The following AKR1A1 variants were observed in gnomAD, a reference collection of about 807,000 sequenced individuals.
AKR1A1 encodes the protein HEL-S-165mP.
In AKR1A1, 26 loss-of-function variants were observed where a neutral mutation model predicts 39.2. That is an observed-to-expected ratio of 0.66 (90% CI 0.49 to 0.92). The LOEUF (loss-of-function observed/expected upper bound fraction) is 0.92, where lower values mean the gene tolerates loss of function less well. Among genes scored for constraint, AKR1A1 ranks in the 40% least tolerant of loss-of-function variants. The probability of loss-of-function intolerance (pLI) is 0.00; values close to 1 mark genes in which losing one functional copy is unlikely to be tolerated. For synonymous variants in AKR1A1, 141 were observed against 155.5 expected, an observed-to-expected ratio of 0.91 and a Z score of 0.69; for missense variants, 378 against 406.5, an observed-to-expected ratio of 0.93 and a Z score of 0.60.
chr1:45,553,314 G>C (rs748256002), intron 1 of AKR1A1, among the ~76,000 whole-genome samples: 63 of 151,632 alleles, frequency 4.2e-4, no homozygotes, highest in Non-Finnish European at 7.5e-4. Context: ...CCCAACTACT[G>C]GGGAGGCTGA....
Position 45,567,926 on chromosome 1 carries a change from G to A in AKR1A1, c.357-56G>A, listed in dbSNP as rs1432539304. ...GGACATAGAGTGGCTGGATGGGCAGGTAGGGTAGAAGCCTGGCATTTGTGT... is the reference window on the plus strand; with the variant it reads ...GGACATAGAGTGGCTGGATGGGCAGATAGGGTAGAAGCCTGGCATTTGTGT... On this transcript the variant is annotated intron_variant, in intron 4 of 8. Coordinates refer to ENST00000351829, the MANE Select transcript of AKR1A1 (RefSeq NM_153326.3). 2.0e-6 allele frequency: 3 copies of A among 1,500,744 alleles called. No homozygotes were observed. In the African/African-American group the frequency reaches 4.2e-5, roughly 21 times the overall value. 93.0% of individuals were successfully genotyped at this position (1,500,744 alleles called of 1,614,324 possible).
At chr1:45,556,459 T>TA (rs1644204129) in intron 1 of AKR1A1, among the ~76,000 whole-genome samples, 1 of 152,020 alleles carries the variant, frequency 6.6e-6, no homozygotes, top group Non-Finnish European at 1.5e-5. Flanking sequence ...TGGGCGCCTG[T>TA]AATCCCAGCT....
Position 45,568,069 on chromosome 1 carries a change from G to A in AKR1A1, c.444G>A (p.Glu148=), listed in dbSNP as rs1644368213. ...ACAAGGAGACTTGGAAGGCTCTGGA[G>A]GCACTGGTGGCTAAGGGGCTGGTGC... The part of the protein sequence containing the change: ...THYKETWKAL[E]ALVAKGLVQA... Residue 148 remains glutamate (E), a synonymous_variant, in exon 5 of 9, where the codon GAG becomes GAA. Transcript: ENST00000351829. 1 of 1,613,940 alleles carries A rather than the reference G, an allele frequency of 6.2e-7. No individual in the cohort carries two copies. The highest frequency in any genetic ancestry group is 1.1e-5 in the South Asian group (1 of 91,084).
chr1:45,551,207 A>AT (rs1182723227), intron 1 of AKR1A1, 52 bp downstream of exon 1: 2 of 152,328 alleles, frequency 1.3e-5, no homozygotes, highest in African/African-American at 4.8e-5. Context: ...GATGGCCTCG[A>AT]TTCTTTACTA....
Position 45,566,638 on chromosome 1 carries a change from A to C in AKR1A1, c.154A>C (p.Asn52His). 1 of 1,614,250 alleles carries C rather than the reference A, an allele frequency of 6.2e-7. No individual in the cohort carries two copies. Among genetic ancestry groups the C allele is most frequent in the Non-Finnish European group, 8.5e-7 (1 of 1,180,040 alleles). Residue 52 changes from asparagine to histidine, a missense_variant, in exon 3 of 9, where the codon AAT becomes CAT. By Grantham distance (68) the Asn-to-His change is moderately conservative. Coordinates refer to ENST00000351829, the MANE Select transcript of AKR1A1 (RefSeq NM_153326.3). Reference sequence around the variant, plus strand: ...CATTGATTGTGCTGCTATCTACGGCAATGAGCCTGAGATTGGGGAGGCCCT... The same window carrying C: ...CATTGATTGTGCTGCTATCTACGGCCATGAGCCTGAGATTGGGGAGGCCCT... The part of the protein sequence containing the change: ...RHIDCAAIYG[N>H]EPEIGEALKE...
intron 1 of AKR1A1, among the ~76,000 whole-genome samples, chr1:45,552,135 C>T (rs1256456467): frequency 6.6e-6 from 1 of 151,952 alleles, no homozygotes; most frequent in Non-Finnish European, 1.5e-5. Flanking sequence ...GTGATGTGCA[C>T]ATGCTATCAG....
chr1:45,561,995 A>C, intron 2 of AKR1A1, 117 bp downstream of exon 2: 1 of 1,014,806 alleles, frequency 9.9e-7, no homozygotes, highest in Non-Finnish European at 1.5e-6. Context: ...AGATAAGAGA[A>C]GACACCAATT....
At position 45,568,472 on chromosome 1, in the gene AKR1A1, T is replaced by C; in HGVS notation, c.553-13T>C. The C allele has an allele frequency of 6.2e-7, 1 of 1,613,404 alleles. No individual in the cohort carries two copies. On this transcript the variant is annotated splice_polypyrimidine_tract_variant and intron_variant, in intron 5 of 8. Transcript: ENST00000351829. ...GTCACCACTTCATGGTGATGGGTTA[T>C]TCTTTGGCTCAGGTGGAATGCCACC...
In AKR1A1 at chr1:45,568,046, A is replaced by C; in HGVS notation, c.421A>C (p.Lys141Gln). The change falls in exon 5 of 9, where the codon AAG becomes CAG. Residue 141 changes from lysine (K) to glutamine (Q), a missense_variant. Coordinates refer to ENST00000351829, the MANE Select transcript of AKR1A1 (RefSeq NM_153326.3). ...TATATGCTACGACTCCACCCACTAC[A>C]AGGAGACTTGGAAGGCTCTGGAGGC... ...GTICYDSTHY[K>Q]ETWKALEALV... 2 of 1,614,004 alleles carry C rather than the reference A, an allele frequency of 1.2e-6. No homozygotes were observed. Among genetic ancestry groups the C allele is most frequent in the Non-Finnish European group, 1.7e-6 (2 of 1,180,020 alleles).
chr1:45,558,900 G>A (rs1371811374), intron 1 of AKR1A1, among the ~76,000 whole-genome samples: 1 of 152,152 alleles, frequency 6.6e-6, no homozygotes, highest in African/African-American at 2.4e-5. Context: ...TATTTATAAA[G>A]ATATTGTTGG....
chr1:45,557,365 G>T (rs1317011486), intron 1 of AKR1A1, among the ~76,000 whole-genome samples: 3 of 151,868 alleles, frequency 2.0e-5, no homozygotes, highest in Non-Finnish European at 4.4e-5. Flanking sequence ...ATGATTTTCT[G>T]TCCTAGAGAA....
intron 1 of AKR1A1, chr1:45,552,371 A>G (rs569692207): frequency 6.6e-6 from 1 of 151,856 alleles, no homozygotes; most frequent in South Asian, 2.1e-4. Flanking sequence ...AATTCCCCCT[A>G]GCAAGCAGAC....
At chr1:45,562,824 AAAG>A (rs1276022245) in intron 2 of AKR1A1, among the ~76,000 whole-genome samples, 1 of 151,762 alleles carries the variant, frequency 6.6e-6, no homozygotes, top group African/African-American at 2.4e-5. Context: ...ACTATTTTTT[AAAG>A]AACAAGATAG....
intron 1 of AKR1A1, among the ~76,000 whole-genome samples, chr1:45,559,130 T>C (rs1215174668): frequency 6.6e-6 from 1 of 152,240 alleles, no homozygotes; most frequent in Non-Finnish European, 1.5e-5. Flanking sequence ...GTGCAGCTCT[T>C]GTGCAGAATT....
chr1:45,568,541 T>C lies in AKR1A1; in HGVS notation c.609T>C (p.Arg203=), dbSNP rs1385105861. ...AGCTAATTGCCCACTGCCAAGCACGTGGCCTGGAGGTAACTGCTTATAGCC... is the reference window on the plus strand; with the variant it reads ...AGCTAATTGCCCACTGCCAAGCACGCGGCCTGGAGGTAACTGCTTATAGCC... ...QNELIAHCQA[R]GLEVTAYSPL... The change falls in exon 6 of 9, where the codon CGT becomes CGC. Residue 203 remains arginine, a synonymous_variant. Coordinates refer to ENST00000351829, the MANE Select transcript of AKR1A1 (RefSeq NM_153326.3). 5 of 1,613,990 alleles carry C rather than the reference T, an allele frequency of 3.1e-6. No homozygotes were observed. In the South Asian group the frequency reaches 5.5e-5, roughly 18 times the overall value.
chr1:45,566,527 G>GAAACC, intron 2 of AKR1A1, 42 bp from the exon 3 acceptor site: 1 of 1,611,234 alleles, frequency 6.2e-7, no homozygotes, highest in Non-Finnish European at 8.5e-7. Flanking sequence ...GTAGAAGGCT[G>GAAACC]AAACCAACAT....
intron 1 of AKR1A1, among the ~76,000 whole-genome samples, chr1:45,555,959 G>A (rs771984435): frequency 6.6e-6 from 1 of 152,092 alleles, no homozygotes; most frequent in Non-Finnish European, 1.5e-5. Flanking sequence ...GGCCTAAGGC[G>A]ATAACCGAAG....
chr1:45,569,075 G>T, intron 7 of AKR1A1, 68 bp from the exon 8 acceptor site: 2 of 1,603,312 alleles, frequency 1.2e-6, no homozygotes, highest in East Asian at 4.5e-5. Context: ...GGCTAAAAAG[G>T]CAGTGTTGTG....
At chr1:45,554,890 C>T (rs1644180109) in intron 1 of AKR1A1, among the ~76,000 whole-genome samples, 1 of 152,066 alleles carries the variant, frequency 6.6e-6, no homozygotes, top group East Asian at 1.9e-4. Context: ...TAAGTTTTGC[C>T]ATGTCCCCCA....
Sources: gnomAD v4.1 joint callset for allele counts (sites outside exome capture counted in the v4.1 genomes callset) on GRCh38, gnomAD v4.1.1 for gene constraint, MANE v1.5 for transcripts, NCBI Gene and HGNC (gene_info 2026-07-23, HGNC 2026-07-21) for gene names.